SLC25A20: variants seen among roughly 807,000 people sequenced by gnomAD.
SLC25A20 encodes the protein mitochondrial carnitine/acylcarnitine carrier protein.
SLC25A20 carries 29 observed loss-of-function variants against 39.7 expected under a neutral mutation model. The observed-to-expected ratio is 0.73, with a 90% confidence interval of 0.54 to 1.00. The LOEUF (loss-of-function observed/expected upper bound fraction) is 1.00. Ranked by LOEUF, SLC25A20 falls within the 50% of genes least tolerant of loss-of-function variation. The pLI, the probability that SLC25A20 is intolerant of heterozygous loss-of-function variation, is 0.00. For missense variants in SLC25A20, 333 were observed against 379.9 expected, an observed-to-expected ratio of 0.88 and a Z score of 1.03; for synonymous variants, 103 against 142.2, an observed-to-expected ratio of 0.72 and a Z score of 1.96.
chr3:48,857,874 C>T (rs1575977305), intron 8 of SLC25A20, 102 bp from the exon 9 acceptor site: 1 of 999,542 alleles, frequency 1.0e-6, no homozygotes, highest in East Asian at 2.5e-5. Context: ...CAGAGCCCCT[C>T]CCTAACCCCA....
At chr3:48,896,652 A>C (rs1228035554) in intron 1 of SLC25A20, among the ~76,000 whole-genome samples, 2 of 151,238 alleles carry the variant, frequency 1.3e-5, no homozygotes, top group Non-Finnish European at 2.9e-5. Flanking sequence ...CTGGGATTAC[A>C]GGCACCTGCC....
At chr3:48,890,816 G>A (rs1009077350) in intron 2 of SLC25A20, among the ~76,000 whole-genome samples, 2 of 148,258 alleles carry the variant, frequency 1.3e-5, no homozygotes, top group African/African-American at 2.5e-5. Flanking sequence ...CACGACGTCC[G>A]GCTAATTTTT....
intron 4 of SLC25A20, among the ~76,000 whole-genome samples, chr3:48,873,761 C>T (rs533893645): frequency 4.1e-5 from 6 of 147,940 alleles, no homozygotes; most frequent in Admixed American, 4.0e-4. Context: ...GGGCGGATCA[C>T]GAGGTCAGGA....
Position 48,894,158 on chromosome 3 carries a change from CA to C in SLC25A20, c.106-2087del, listed in dbSNP as rs1264070423. Among the ~76,000 whole-genome samples the C allele has an allele frequency of 9.1e-3, 591 of 65,146 alleles. 3 individuals carry two copies. The highest frequency in any genetic ancestry group is 0.032 in the Middle Eastern group (3 of 94). 42.7% of individuals were successfully genotyped at this position (65,146 alleles called of 152,430 possible). On this transcript the variant is annotated intron_variant, in intron 1 of 8. Transcript: ENST00000319017. ...CCTGGGCAAGAGTGAGACTCCTTCT[CA>C]AAAAAAAAAAAAAAAGAAGAAGATT...
intron 2 of SLC25A20, among the ~76,000 whole-genome samples, chr3:48,889,402 T>TATA (rs1249361294): frequency 6.6e-6 from 1 of 150,992 alleles, no homozygotes; most frequent in African/African-American, 2.4e-5. Flanking sequence ...AATATATATA[T>TATA]ATAATAATAA....
chr3:48,875,678 G>T (rs188501280), intron 4 of SLC25A20, among the ~76,000 whole-genome samples: 3 of 152,296 alleles, frequency 2.0e-5, no homozygotes, highest in Non-Finnish European at 4.4e-5. Context: ...ACAAACTGCT[G>T]GGATTACAGG....
chr3:48,885,919 T>G (rs1343682963), intron 2 of SLC25A20, among the ~76,000 whole-genome samples: 1 of 151,944 alleles, frequency 6.6e-6, no homozygotes, highest in African/African-American at 2.4e-5. Context: ...TACAGAGCAT[T>G]TAGGGTACAG....
intron 4 of SLC25A20, among the ~76,000 whole-genome samples, chr3:48,876,017 T>C (rs2083753981): frequency 6.6e-6 from 1 of 151,668 alleles, no homozygotes. Flanking sequence ...AGACCCTGTC[T>C]CAAAAATAAA....
intron 4 of SLC25A20, among the ~76,000 whole-genome samples, chr3:48,873,802 C>G (rs1461321056): frequency 1.3e-5 from 2 of 149,566 alleles, no homozygotes; most frequent in Non-Finnish European, 3.0e-5. Flanking sequence ...CCCGTCTCTA[C>G]TAAAAAAATA....
chr3:48,865,258 G>A (rs1211581869), intron 4 of SLC25A20, among the ~76,000 whole-genome samples: 1 of 151,754 alleles, frequency 6.6e-6, no homozygotes, highest in African/African-American at 2.4e-5. Flanking sequence ...CTCCCAAGTA[G>A]CTGGGACTAC....
intron 4 of SLC25A20, among the ~76,000 whole-genome samples, chr3:48,877,988 C>T (rs1190961458): frequency 1.3e-5 from 2 of 151,968 alleles, no homozygotes; most frequent in African/African-American, 2.4e-5. Flanking sequence ...ATAGTCCAGG[C>T]GCGGTGGCTT....
chr3:48,859,094 G>T lies in SLC25A20; in HGVS notation c.716C>A (p.Thr239Asn). The T allele has an allele frequency of 5.6e-6, 9 of 1,613,316 alleles. No homozygotes were observed. Among genetic ancestry groups the T allele is most frequent in the Non-Finnish European group, 7.6e-6 (9 of 1,179,396 alleles). ...PPDVLKSRFQ[T>N]APPGKYPNGF... The stretch of plus-strand genomic sequence containing the variant: ...CCACCCCACTACCTTCCACTCACCA[G>T]TCTGGAATCGAGACTTGAGCACATC... Residue 239 changes from threonine to asparagine, a missense_variant and splice_region_variant, in exon 7 of 9, where the codon ACT becomes AAT. By Grantham distance (65) the Thr-to-Asn change is moderately conservative. Transcript: ENST00000319017.
At chr3:48,860,136 A>G (rs892894797) in intron 5 of SLC25A20, among the ~76,000 whole-genome samples, 2 of 151,870 alleles carry the variant, frequency 1.3e-5, no homozygotes, top group Admixed American at 1.3e-4. Context: ...CCCCGTCTCT[A>G]CTAAAAATAT....
intron 5 of SLC25A20, among the ~76,000 whole-genome samples, chr3:48,860,461 C>T (rs2083615909): frequency 6.6e-6 from 1 of 151,646 alleles, no homozygotes; most frequent in South Asian, 2.1e-4. Flanking sequence ...AAAAATTAGC[C>T]GGGCATGGTG....
chr3:48,878,729 G>A (rs1337204971), intron 4 of SLC25A20, among the ~76,000 whole-genome samples: 1 of 151,346 alleles, frequency 6.6e-6, no homozygotes, highest in Non-Finnish European at 1.5e-5. Flanking sequence ...GAATCCGGGA[G>A]GTGGAGGTTG....
At chr3:48,880,220 T>C (rs1180722650) in intron 3 of SLC25A20, among the ~76,000 whole-genome samples, 2 of 152,170 alleles carry the variant, frequency 1.3e-5, no homozygotes, top group Non-Finnish European at 2.9e-5. Flanking sequence ...CTACCATCTA[T>C]CACCCACAGC....
intron 4 of SLC25A20, among the ~76,000 whole-genome samples, chr3:48,876,446 A>G (rs1010419621): frequency 6.7e-6 from 1 of 149,986 alleles, no homozygotes; most frequent in Non-Finnish European, 1.5e-5. Context: ...TGTTTTTGAG[A>G]TGGAGTTTCA....
At chr3:48,893,934 G>T (rs1328837561) in intron 1 of SLC25A20, among the ~76,000 whole-genome samples, 1 of 151,544 alleles carries the variant, frequency 6.6e-6, no homozygotes, top group Non-Finnish European at 1.5e-5. Context: ...GCTGAGGTGG[G>T]TCAATAACCT....
At chr3:48,881,765 G>T (rs2083797107) in intron 3 of SLC25A20, among the ~76,000 whole-genome samples, 1 of 152,164 alleles carries the variant, frequency 6.6e-6, no homozygotes, top group Non-Finnish European at 1.5e-5. Context: ...ATACATCCGT[G>T]AGCTGGCACA....
Sources: allele counts gnomAD v4.1 joint callset (sites outside exome capture counted in the v4.1 genomes callset), GRCh38; gene constraint gnomAD v4.1.1; transcripts MANE v1.5; gene names NCBI Gene and HGNC (gene_info 2026-07-23, HGNC 2026-07-21).